Variants in SMIM14 observed in about 807,000 individuals in gnomAD.
The protein encoded by SMIM14 is chromosome 4 open reading frame 34.
In SMIM14, 5 loss-of-function variants were observed where a neutral mutation model predicts 12.6. The ratio of observed to expected loss-of-function variants is 0.40; its 90% CI spans 0.21 to 0.83. SMIM14 has a LOEUF of 0.83. Ranked by LOEUF, SMIM14 falls within the 40% of genes least tolerant of loss-of-function variation. The pLI, the probability that SMIM14 is intolerant of heterozygous loss-of-function variation, is 0.37. For synonymous variants in SMIM14, 30 were observed against 40.1 expected, an observed-to-expected ratio of 0.75 and a Z score of 0.95; for missense variants, 86 against 119.1, an observed-to-expected ratio of 0.72 and a Z score of 1.29.
chr4:39,630,074 T>G (rs1165439273), intron 1 of SMIM14, among the ~76,000 whole-genome samples: 1 of 152,210 alleles, frequency 6.6e-6, no homozygotes, highest in African/African-American at 2.4e-5. Flanking sequence ...AATATTTCAT[T>G]CACATGCTTG....
In SMIM14 at chr4:39,567,197, A is replaced by C. The variant is rs137888865; in HGVS notation, c.124+5218T>G. On this transcript the variant is annotated intron_variant, in intron 3 of 4. Coordinates refer to ENST00000295958, the MANE Select transcript of SMIM14 (RefSeq NM_174921.3). ...AAGCCGCAATGTGACAATAGGAAAA[A>C]AATGTGACATGGGAAATATGGAGAA... Among the ~76,000 whole-genome samples the C allele has an allele frequency of 2.2e-3, 330 of 152,038 alleles. 1 individual carries two copies. The highest frequency in any genetic ancestry group is 7.7e-3 in the African/African-American group (320 of 41,502).
intron 2 of SMIM14, among the ~76,000 whole-genome samples, chr4:39,599,933 CAAAAAAAA>C (rs56285045): frequency 5.2e-5 from 6 of 115,078 alleles, no homozygotes; most frequent in African/African-American, 1.9e-4. Flanking sequence ...AAAACAACAA[CAAAAAAAA>C]AAAAAAAAAA....
At chr4:39,619,860 T>TTTTATATA (rs1553866651) in intron 1 of SMIM14, among the ~76,000 whole-genome samples, 1 of 111,102 alleles carries the variant, frequency 9.0e-6, no homozygotes, top group African/African-American at 3.8e-5. Context: ...TTATATATAT[T>TTTTATATA]TATATATATA....
At position 39,556,431 on chromosome 4, in the gene SMIM14, A is replaced by C; in HGVS notation, c.264T>G (p.His88Gln). The C allele has an allele frequency of 6.2e-7, 1 of 1,610,904 alleles. No individual in the cohort carries two copies. Among genetic ancestry groups the C allele is most frequent in the Non-Finnish European group, 8.5e-7 (1 of 1,179,164 alleles). ...SSLPGKPTSP[H>Q]NGQDPPAPPV... ...ATTTAAAATCTGCAACACTTACATT[A>C]TGAGGACTGGTTGGCTTTCCAGGTA... Residue 88 changes from histidine (H) to glutamine (Q), a missense_variant, in exon 4 of 5, where the codon CAT becomes CAG. Physicochemically the swap from His to Gln is conservative, Grantham distance 24. Transcript: ENST00000295958.
intron 3 of SMIM14, among the ~76,000 whole-genome samples, chr4:39,570,725 T>C (rs573898135): frequency 6.6e-6 from 1 of 152,120 alleles, no homozygotes; most frequent in East Asian, 1.9e-4. Flanking sequence ...GGCATGAACA[T>C]AGCTCACTGC....
intron 1 of SMIM14, among the ~76,000 whole-genome samples, chr4:39,606,008 G>A (rs1451658694): frequency 6.6e-6 from 1 of 152,122 alleles, no homozygotes; most frequent in Non-Finnish European, 1.5e-5. Flanking sequence ...AAAGTGCTAG[G>A]ATTACAAGTG....
chr4:39,600,071 A>G (rs1224788514), intron 2 of SMIM14, among the ~76,000 whole-genome samples: 1 of 152,222 alleles, frequency 6.6e-6, no homozygotes, highest in Admixed American at 6.5e-5. Flanking sequence ...TAGTTTCTAA[A>G]TGGAAAAGAT....
chr4:39,638,342 G>A (rs1291243251), intron 1 of SMIM14: 3 of 480,964 alleles, frequency 6.2e-6, no homozygotes, highest in Non-Finnish European at 5.4e-6. Context: ...GGCTGAGGGA[G>A]ACGGTAAACA....
chr4:39,576,656 A>G (rs1431870655), intron 2 of SMIM14, among the ~76,000 whole-genome samples: 1 of 31,190 alleles, frequency 3.2e-5, no homozygotes, highest in African/African-American at 7.6e-5. Context: ...GTGTGTGTGT[A>G]TGTGTATATA....
At chr4:39,576,673 TATATATATATA>T (rs1276432997) in intron 2 of SMIM14, among the ~76,000 whole-genome samples, 2 of 37,428 alleles carry the variant, frequency 5.3e-5, no homozygotes, top group East Asian at 1.1e-3. Context: ...TATATATATA[TATATATATATA>T]TTTTTTTTTT....
At chr4:39,564,752 T>C (rs576568243) in intron 3 of SMIM14, among the ~76,000 whole-genome samples, 2 of 152,014 alleles carry the variant, frequency 1.3e-5, no homozygotes, top group Admixed American at 1.3e-4. Context: ...GGAGTGAAAA[T>C]GTAAAGAAAG....
At chr4:39,561,661 TGTAG>T (rs1385099243) in intron 3 of SMIM14, among the ~76,000 whole-genome samples, 3 of 152,160 alleles carry the variant, frequency 2.0e-5, no homozygotes, top group Non-Finnish European at 2.9e-5. Context: ...GGCTCACACC[TGTAG>T]TCCCAGCACT....
chr4:39,601,791 T>A (rs933636497), intron 2 of SMIM14, among the ~76,000 whole-genome samples: 1 of 151,120 alleles, frequency 6.6e-6, no homozygotes. Flanking sequence ...TACCAAAATG[T>A]AAAAAATTAG....
intron 4 of SMIM14, among the ~76,000 whole-genome samples, chr4:39,554,654 CTTTTT>C (rs111326390): frequency 5.3e-5 from 5 of 95,192 alleles, no homozygotes; most frequent in Non-Finnish European, 8.1e-5. Context: ...GGAAATTTTC[CTTTTT>C]TTTTTTTTTT....
At chr4:39,572,849 T>G (rs1023376091) in intron 2 of SMIM14, among the ~76,000 whole-genome samples, 1 of 151,938 alleles carries the variant, frequency 6.6e-6, no homozygotes, top group Non-Finnish European at 1.5e-5. Context: ...TTTCTTTTGT[T>G]TTTTTGAGAC....
intron 1 of SMIM14, among the ~76,000 whole-genome samples, chr4:39,621,648 G>T (rs1047650571): frequency 1.3e-5 from 2 of 148,534 alleles, no homozygotes; most frequent in Admixed American, 1.4e-4. Context: ...TATTTAAATT[G>T]TGATATACAC....
At chr4:39,592,362 G>A (rs893341819) in intron 2 of SMIM14, among the ~76,000 whole-genome samples, 6 of 149,086 alleles carry the variant, frequency 4.0e-5, no homozygotes, top group South Asian at 2.1e-4. Flanking sequence ...CTCTGCCTCC[G>A]AAAGTGCTGA....
chr4:39,547,749 C>T lies in SMIM14; in HGVS notation c.*4377G>A, dbSNP rs1457249261. 2 of 152,062 alleles carry T rather than the reference C, an allele frequency of 1.3e-5. No individual in the cohort carries two copies. The highest frequency in any genetic ancestry group is 4.8e-5 in the African/African-American group (2 of 41,408). The allele number at this position is 152,062 out of a possible 1,614,324, so 9.4% of individuals were successfully genotyped here. On this transcript the variant is annotated 3_prime_UTR_variant, in exon 5 of 5. Coordinates refer to ENST00000295958, the MANE Select transcript of SMIM14 (RefSeq NM_174921.3). ...TTGAAAATTTAAGATACTGGTAATTCCATAAACACTCCCACACCACATACC... is the reference window on the plus strand; with the variant it reads ...TTGAAAATTTAAGATACTGGTAATTTCATAAACACTCCCACACCACATACC...
chr4:39,627,166 CATG>C (rs978631584), intron 1 of SMIM14, among the ~76,000 whole-genome samples: 4 of 152,114 alleles, frequency 2.6e-5, no homozygotes, highest in South Asian at 2.1e-4. Context: ...CACTACTCCT[CATG>C]ATGATGGCTC....
Sources: gnomAD v4.1 joint callset for allele counts (sites outside exome capture counted in the v4.1 genomes callset) on GRCh38, gnomAD v4.1.1 for gene constraint, MANE v1.5 for transcripts, NCBI Gene and HGNC (gene_info 2026-07-23, HGNC 2026-07-21) for gene names.